HLF: variants seen among roughly 807,000 people sequenced by gnomAD.
The protein encoded by HLF is hepatic leukemia factor.
Under a neutral mutation model 22.6 loss-of-function variants are expected in HLF, and 3 were observed. The ratio of observed to expected loss-of-function variants is 0.13; its 90% CI spans 0.06 to 0.34. The LOEUF (loss-of-function observed/expected upper bound fraction) is 0.34. Ranked by LOEUF, HLF falls within the 10% of genes least tolerant of loss-of-function variation. The pLI is 1.00. For missense variants in HLF, 299 were observed against 389.2 expected, an observed-to-expected ratio of 0.77 and a Z score of 1.95; for synonymous variants, 151 against 151.8, an observed-to-expected ratio of 0.99 and a Z score of 0.04.
chr17:55,279,575 T>C (rs1185215855), intron 2 of HLF, among the ~76,000 whole-genome samples: 4 of 151,800 alleles, frequency 2.6e-5, no homozygotes, highest in Non-Finnish European at 5.9e-5. Context: ...CTCTACATTA[T>C]ATATATATAT....
At chr17:55,297,780 C>T (rs893275033) in intron 2 of HLF, among the ~76,000 whole-genome samples, 4 of 121,292 alleles carry the variant, frequency 3.3e-5, no homozygotes, top group Admixed American at 1.1e-4. Flanking sequence ...GAGTCTCGCT[C>T]TGTCACCCAA....
rs1454071900 is a variant in HLF at position 55,320,280 on chromosome 17, A to G, written c.673-384A>G. Among the ~76,000 whole-genome samples, 1 of 152,224 alleles carries G rather than the reference A, an allele frequency of 6.6e-6. No homozygotes were observed. Among genetic ancestry groups the G allele is most frequent in the East Asian group, 1.9e-4 (1 of 5,196 alleles). ...AAATTTTTGTACCAACTCATACCCA[A>G]AAAAGCATATGAGTGCCCTTGAAGG... On this transcript the variant is annotated intron_variant, in intron 3 of 3. Coordinates refer to ENST00000226067, the MANE Select transcript of HLF (RefSeq NM_002126.5). This position sits in a 1 kb window ranked among gnomAD's most constrained non-coding sequence, Gnocchi z 4.2.
chr17:55,295,543 C>T (rs905327673), intron 2 of HLF, among the ~76,000 whole-genome samples: 2 of 152,238 alleles, frequency 1.3e-5, no homozygotes, highest in Non-Finnish European at 2.9e-5. Flanking sequence ...CAGAACCACA[C>T]GTCTCAAACG....
rs1905337737 is a variant in HLF, at chr17:55,323,532, T to C, written c.*2653T>C. ...AAAAAATAAAAAGATTCTAATAAAA[T>C]GTATTCTCTTGTGTGCCAGGAGAGG... On this transcript the variant is annotated 3_prime_UTR_variant, in exon 4 of 4. Coordinates refer to ENST00000226067, the MANE Select transcript of HLF (RefSeq NM_002126.5). 4.6e-6 allele frequency: 1 copy of C among 218,744 alleles called. No individual in the cohort carries two copies. Among genetic ancestry groups the C allele is most frequent in the African/African-American group, 2.3e-5 (1 of 44,356 alleles). 13.6% of individuals were successfully genotyped at this position (218,744 alleles called of 1,614,324 possible). A position where few individuals can be genotyped will look rare whatever the true frequency, so the allele number is the denominator to read the frequency against.
chr17:55,277,276 C>CGT (rs1239042119), intron 2 of HLF, among the ~76,000 whole-genome samples: 1 of 74,526 alleles, frequency 1.3e-5, no homozygotes, highest in Non-Finnish European at 3.1e-5. Context: ...TGTGTGTGTG[C>CGT]GCGCGCATGT....
At position 55,320,802 on chromosome 17, in the gene HLF, G is replaced by A. The variant is rs1322234698; in HGVS notation, c.811G>A (p.Val271Met). ...EKENSALRQE[V>M]ADLRKELGKC... ...GGAGAACTCGGCCCTCCGCCAGGAG[G>A]TGGCTGACTTGAGGAAGGAGCTGGG... The change falls in exon 4 of 4, where the codon GTG (valine) becomes ATG (methionine). Residue 271 changes from valine (V) to methionine (M), a missense_variant. This residue lies in a region of HLF where 224 missense variants were observed against 298.1 expected (regional missense o/e 0.75). Coordinates refer to ENST00000226067, the MANE Select transcript of HLF (RefSeq NM_002126.5). This position sits in a 1 kb window ranked among gnomAD's most constrained non-coding sequence, Gnocchi z 4.2. The A allele has an allele frequency of 6.2e-7, 1 of 1,613,998 alleles. No individual in the cohort carries two copies. Among genetic ancestry groups the A allele is most frequent in the Non-Finnish European group, 8.5e-7 (1 of 1,179,970 alleles).
intron 2 of HLF, among the ~76,000 whole-genome samples, chr17:55,281,430 T>G (rs1295407391): frequency 6.6e-6 from 1 of 152,194 alleles, no homozygotes; most frequent in Admixed American, 6.5e-5. Flanking sequence ...GGAGAATCGC[T>G]TAAACCCGGG....
At chr17:55,289,065 T>C (rs1598396835) in intron 2 of HLF, 2 of 326,932 alleles carry the variant, frequency 6.1e-6, no homozygotes, top group East Asian at 1.7e-4. Context: ...CATCAACTTA[T>C]GTTTCTTTGG....
intron 2 of HLF, among the ~76,000 whole-genome samples, chr17:55,270,074 A>G (rs2080838154): frequency 6.6e-6 from 1 of 152,224 alleles, no homozygotes; most frequent in Non-Finnish European, 1.5e-5. Flanking sequence ...CATTAGAGTC[A>G]GTATTGATCA....
intron 2 of HLF, chr17:55,272,356 G>C (rs2080865897): frequency 6.6e-6 from 1 of 152,210 alleles, no homozygotes; most frequent in African/African-American, 2.4e-5. Flanking sequence ...TATATTACAT[G>C]CTTGTAAAGC....
chr17:55,316,189 C>T (rs1484212331), intron 3 of HLF, among the ~76,000 whole-genome samples: 1 of 152,146 alleles, frequency 6.6e-6, no homozygotes, highest in Non-Finnish European at 1.5e-5. Context: ...AAAATTATGC[C>T]ATGTCTGCTA....
chr17:55,281,850 G>A (rs1057012036), intron 2 of HLF, among the ~76,000 whole-genome samples: 4 of 152,158 alleles, frequency 2.6e-5, no homozygotes, highest in African/African-American at 9.7e-5. Context: ...TATCTCAGTG[G>A]CCAAAAACCA....
intron 2 of HLF, among the ~76,000 whole-genome samples, chr17:55,308,057 T>C (rs1296819140): frequency 1.3e-5 from 2 of 152,096 alleles, no homozygotes; most frequent in Non-Finnish European, 2.9e-5. Flanking sequence ...GGAAGGCCAG[T>C]GTGGCCAAGT....
At chr17:55,306,406 G>T (rs1351104216) in intron 2 of HLF, among the ~76,000 whole-genome samples, 1 of 152,156 alleles carries the variant, frequency 6.6e-6, no homozygotes, top group Non-Finnish European at 1.5e-5. Context: ...CTGTTACTGT[G>T]TGGAGAGAAT....
At chr17:55,273,659 C>G (rs909848870) in intron 2 of HLF, 4 of 152,368 alleles carry the variant, frequency 2.6e-5, no homozygotes, top group Non-Finnish European at 5.9e-5. Context: ...CGTGTGAGCC[C>G]TGGCAACCCT....
intron 2 of HLF, among the ~76,000 whole-genome samples, chr17:55,291,986 G>A (rs1209690187): frequency 6.6e-6 from 1 of 152,222 alleles, no homozygotes; most frequent in Non-Finnish European, 1.5e-5. Flanking sequence ...ACTTGAAGAT[G>A]TGACTGAATT....
intron 2 of HLF, among the ~76,000 whole-genome samples, chr17:55,297,169 A>G (rs1202744689): frequency 6.6e-6 from 1 of 152,244 alleles, no homozygotes. Flanking sequence ...TGTAAACATT[A>G]ATCCATCTTT....
In HLF at chr17:55,321,302, G is replaced by A; in HGVS notation, c.*423G>A. ...CACTAAAAAGGGCCCTGGTAAAATA[G>A]TGGATCTCAGTTTTTAAGAGTACAA... On this transcript the variant is annotated 3_prime_UTR_variant, in exon 4 of 4. Coordinates refer to ENST00000226067, the MANE Select transcript of HLF (RefSeq NM_002126.5). 1 of 251,086 alleles carries A rather than the reference G, an allele frequency of 4.0e-6. No individual in the cohort carries two copies. Among genetic ancestry groups the A allele is most frequent in the Non-Finnish European group, 7.8e-6 (1 of 127,960 alleles). The allele number at this position is 251,086 out of a possible 1,614,324, so 15.6% of individuals were successfully genotyped here. A position where few individuals can be genotyped will look rare whatever the true frequency, so the allele number is the denominator to read the frequency against.
chr17:55,290,431 G>A (rs2081050599), intron 2 of HLF, among the ~76,000 whole-genome samples: 1 of 152,038 alleles, frequency 6.6e-6, no homozygotes, highest in South Asian at 2.1e-4. Context: ...AATATTTCAA[G>A]TTTTTCATTA....
Sources: allele counts gnomAD v4.1 joint callset (sites outside exome capture counted in the v4.1 genomes callset), GRCh38; gene constraint gnomAD v4.1.1; regional missense constraint gnomAD v4.1.1; non-coding constraint Gnocchi (gnomAD v3.1); transcripts MANE v1.5; gene names NCBI Gene and HGNC (gene_info 2026-07-23, HGNC 2026-07-21).